Variants in USH2A observed in about 807,000 individuals in gnomAD.
USH2A encodes usherin, also known as Usher syndrome 2A (autosomal recessive, mild).
A neutral mutation model predicts 538.9 loss-of-function variants in USH2A; 443 were observed. That is an observed-to-expected ratio of 0.82 (90% CI 0.76 to 0.89). USH2A has a LOEUF of 0.89. Ranked by LOEUF, USH2A falls within the 40% of genes least tolerant of loss-of-function variation. The pLI is 0.00. For synonymous variants in USH2A, 2,413 were observed against 2,273.5 expected, an observed-to-expected ratio of 1.06 and a Z score of -1.75; for missense variants, 6,633 against 6,324.8, an observed-to-expected ratio of 1.05 and a Z score of -1.65.
intron 35 of USH2A, among the ~76,000 whole-genome samples, chr1:215,977,800 T>G (rs1345123913): frequency 6.6e-6 from 1 of 152,176 alleles, no homozygotes; most frequent in African/African-American, 2.4e-5. Context: ...CATGAGCCAC[T>G]GCCACCAGCC....
At chr1:215,933,163 C>T (rs1333402707) in intron 38 of USH2A, among the ~76,000 whole-genome samples, 1 of 151,752 alleles carries the variant, frequency 6.6e-6, no homozygotes, top group Non-Finnish European at 1.5e-5. Context: ...AACTTAAAAC[C>T]TCCATTATGG....
At chr1:215,686,033 C>G (rs1658414274) in intron 61 of USH2A, among the ~76,000 whole-genome samples, 1 of 152,132 alleles carries the variant, frequency 6.6e-6, no homozygotes, top group African/African-American at 2.4e-5. Flanking sequence ...TAGGCAGCAT[C>G]ACCAAGTGGG....
At position 215,743,212 on chromosome 1, in the gene USH2A, G is replaced by T. The variant is rs1168773052; in HGVS notation, c.11513C>A (p.Thr3838Lys). The change falls in exon 59 of 72, where the codon ACA (threonine) becomes AAA (lysine). Residue 3838 changes from threonine to lysine, a missense_variant. Transcript: ENST00000307340. ...TGCTTGTATCCTTATCTCATACTGT[G>T]TGAATGGAGTCAAATTTTCCAGAAG... ...STLLENLTPF[T>K]QYEIRIQACQ... 6.2e-7 allele frequency: 1 copy of T among 1,612,014 alleles called. No homozygotes were observed. The highest frequency in any genetic ancestry group is 8.5e-7 in the Non-Finnish European group (1 of 1,179,286).
At chr1:215,895,244 G>A (rs983784701) in intron 40 of USH2A, among the ~76,000 whole-genome samples, 2 of 152,174 alleles carry the variant, frequency 1.3e-5, no homozygotes, top group Admixed American at 6.5e-5. Context: ...AGTACTTTGA[G>A]TAAGAATTTT....
At position 215,648,618 on chromosome 1, in the gene USH2A, C is replaced by A. The variant is rs749495567; in HGVS notation, c.14492G>T (p.Gly4831Val). Residue 4831 changes from glycine to valine, a missense_variant, in exon 66 of 72, where the codon GGA (glycine) becomes GTA (valine). Coordinates refer to ENST00000307340, the MANE Select transcript of USH2A (RefSeq NM_206933.4). Reference protein sequence around the residue: ...ELRTHPAPPSGLSSPQIGTLA... With the variant: ...ELRTHPAPPSVLSSPQIGTLA... The stretch of plus-strand genomic sequence containing the variant: ...CGTCCCGATTTGTGGAGAGGACAGT[C>A]CTGAGGGTGGGGCAGGATGGGTTCT... 1.2e-6 allele frequency: 2 copies of A among 1,614,072 alleles called. No individual in the cohort carries two copies. Among genetic ancestry groups the A allele is most frequent in the Non-Finnish European group, 1.7e-6 (2 of 1,180,036 alleles).
chr1:215,748,971 C>T (rs1349426907), intron 58 of USH2A, among the ~76,000 whole-genome samples: 9 of 152,166 alleles, frequency 5.9e-5, no homozygotes, highest in Non-Finnish European at 1.2e-4. Context: ...CTTTTGAATC[C>T]ATCTTTCATA....
At chr1:216,279,609 C>T (rs1267164695) in intron 11 of USH2A, among the ~76,000 whole-genome samples, 2 of 152,062 alleles carry the variant, frequency 1.3e-5, no homozygotes, top group Non-Finnish European at 2.9e-5. Context: ...GAGAATCTGT[C>T]TTTTAAAAAG....
At chr1:215,844,949 A>G (rs1162323694) in intron 45 of USH2A, among the ~76,000 whole-genome samples, 1 of 152,192 alleles carries the variant, frequency 6.6e-6, no homozygotes, top group Non-Finnish European at 1.5e-5. Flanking sequence ...CTAGCTTGTA[A>G]CTCAAGCAAT....
intron 20 of USH2A, among the ~76,000 whole-genome samples, chr1:216,183,890 G>A (rs564480521): frequency 2.6e-5 from 4 of 151,928 alleles, no homozygotes; most frequent in Non-Finnish European, 5.9e-5. Context: ...GCTTTGAACC[G>A]AAAGCTTTTA....
At chr1:215,642,934 G>C (rs1656734900) in intron 67 of USH2A, among the ~76,000 whole-genome samples, 1 of 152,116 alleles carries the variant, frequency 6.6e-6, no homozygotes, top group Non-Finnish European at 1.5e-5. Context: ...TTCTTCTCCA[G>C]ACCCGTTGCT....
chr1:215,749,051 G>T (rs924861215), intron 58 of USH2A, among the ~76,000 whole-genome samples: 1 of 152,066 alleles, frequency 6.6e-6, no homozygotes, highest in African/African-American at 2.4e-5. Flanking sequence ...ACACTATTTT[G>T]TTATCTAGTT....
At chr1:215,803,864 C>T (rs186445147) in intron 49 of USH2A, among the ~76,000 whole-genome samples, 9 of 152,174 alleles carry the variant, frequency 5.9e-5, no homozygotes, top group East Asian at 1.9e-4. Context: ...GGAGGCATCA[C>T]GCTACCTGAC....
intron 58 of USH2A, among the ~76,000 whole-genome samples, chr1:215,744,348 C>T (rs1416119625): frequency 1.3e-5 from 2 of 152,106 alleles, no homozygotes; most frequent in South Asian, 2.1e-4. Context: ...AGTTTAGCCT[C>T]GTCAAAGTCT....
chr1:215,766,913 C>T (rs1205122003), intron 55 of USH2A, 125 bp from the exon 56 acceptor site: 2 of 928,064 alleles, frequency 2.2e-6, no homozygotes, highest in Non-Finnish European at 3.4e-6. Flanking sequence ...CTCTCTAAAA[C>T]ACTCTTTAAA....
chr1:215,748,129 G>A (rs1169956018), intron 58 of USH2A, among the ~76,000 whole-genome samples: 1 of 152,098 alleles, frequency 6.6e-6, no homozygotes, highest in African/African-American at 2.4e-5. Flanking sequence ...CTGACCTCAT[G>A]ATCCACCCGC....
chr1:216,117,746 C>G (rs759343424), intron 21 of USH2A, among the ~76,000 whole-genome samples: 20 of 151,454 alleles, frequency 1.3e-4, no homozygotes, highest in Non-Finnish European at 2.4e-4. Flanking sequence ...CTTCTTGGCC[C>G]TCACTCTGAC....
At chr1:215,724,234 CACACACACACACACAA>C (rs1350818715) in intron 61 of USH2A, among the ~76,000 whole-genome samples, 27 of 148,384 alleles carry the variant, frequency 1.8e-4, no homozygotes, top group African/African-American at 3.7e-4. Flanking sequence ...CACACACACA[CACACACACACACACAA>C]ACACACACAC....
chr1:216,084,897 T>C lies in USH2A; in HGVS notation c.4988-20A>G. 2 of 1,606,348 alleles carry C rather than the reference T, an allele frequency of 1.2e-6. No individual in the cohort carries two copies. The highest frequency in any genetic ancestry group is 2.2e-5 in the South Asian group (2 of 90,894). On this transcript the variant is annotated intron_variant, in intron 24 of 71. Transcript: ENST00000307340. ...TTATCTCTGCAGGAGTTTATAGATA[T>C]CAAGAAATATATATTTTGAAAGATT...
intron 64 of USH2A, among the ~76,000 whole-genome samples, chr1:215,663,322 T>G (rs555067903): frequency 6.6e-6 from 1 of 152,362 alleles, no homozygotes; most frequent in South Asian, 2.1e-4. Flanking sequence ...CACAGATTTC[T>G]TAGTTCTCAT....
Sources: gnomAD v4.1 joint callset for allele counts (sites outside exome capture counted in the v4.1 genomes callset) on GRCh38, gnomAD v4.1.1 for gene constraint, MANE v1.5 for transcripts, NCBI Gene and HGNC (gene_info 2026-07-23, HGNC 2026-07-21) for gene names.